Variants in SERPINE2 observed in about 807,000 individuals in gnomAD.
SERPINE2 encodes the protein glia-derived nexin.
A neutral mutation model predicts 36.3 loss-of-function variants in SERPINE2; 14 were observed. The observed-to-expected ratio is 0.39, with a 90% CI of 0.25 to 0.60. The LOEUF (loss-of-function observed/expected upper bound fraction) is 0.60. Ranked by LOEUF, SERPINE2 falls within the 20% of genes least tolerant of loss-of-function variation. The pLI is 0.57. For synonymous variants in SERPINE2, 192 were observed against 191.8 expected (o/e 1.00, Z -0.01); for missense variants, 418 against 499.6 (o/e 0.84, Z 1.56).
intron 1 of SERPINE2, among the ~76,000 whole-genome samples, chr2:224,014,321 G>A (rs900328922): frequency 2.6e-5 from 4 of 152,134 alleles, no homozygotes; most frequent in Non-Finnish European, 4.4e-5. Context: ...GTTGAAGTGA[G>A]CCAAGATCAT....
intron 4 of SERPINE2, among the ~76,000 whole-genome samples, chr2:223,986,565 A>G (rs191611129): frequency 2.8e-4 from 42 of 152,272 alleles, no homozygotes; most frequent in African/African-American, 9.9e-4. Context: ...TGGCGGAGCT[A>G]ATTTTCAGAA....
intron 1 of SERPINE2, chr2:224,030,927 G>T: frequency 1.0e-6 from 1 of 982,574 alleles, no homozygotes; most frequent in Non-Finnish European, 1.2e-6. Context: ...ACAAGTGTCT[G>T]AGGAAGGAAC....
chr2:223,979,579 G>A (rs1559193000), intron 7 of SERPINE2: 2 of 152,048 alleles, frequency 1.3e-5, no homozygotes, highest in South Asian at 2.1e-4. Flanking sequence ...ATTTTCCTAC[G>A]GATAATGAGG....
chr2:223,982,824 T>C, intron 5 of SERPINE2, 43 bp from the exon 6 acceptor site: 1 of 1,400,452 alleles, frequency 7.1e-7, no homozygotes, highest in Non-Finnish European at 1.0e-6. Context: ...CACGAGGCTA[T>C]AAATGCTACA....
intron 1 of SERPINE2, among the ~76,000 whole-genome samples, chr2:224,018,052 C>A (rs1279112712): frequency 6.6e-6 from 1 of 152,190 alleles, no homozygotes; most frequent in African/African-American, 2.4e-5. Context: ...CAGACTTTCA[C>A]ATCTGGTCAC....
At chr2:223,988,377 GC>G (rs1480614219) in intron 4 of SERPINE2, among the ~76,000 whole-genome samples, 1 of 151,500 alleles carries the variant, frequency 6.6e-6, no homozygotes, top group East Asian at 1.9e-4. Context: ...TCGCTATGTT[GC>G]CGAGGATCAT....
chr2:223,995,548 TATA>T lies in SERPINE2; in HGVS notation c.487+2564_487+2566del, dbSNP rs553712897. On this transcript the variant is annotated intron_variant, in intron 3 of 8. Coordinates refer to ENST00000409304, the MANE Select transcript of SERPINE2 (RefSeq NM_001136528.2). ...TCTCTGCATTGGTAGGACACCTACT[TATA>T]ATTATCTGAGCCCAGAACCTCGTTC... 9.1e-3 allele frequency among the ~76,000 whole-genome samples: 1,390 copies of T among 152,364 alleles called. 14 individuals are homozygous for T. Among genetic ancestry groups the T allele is most frequent in the African/African-American group, 0.03 (1,268 of 41,580 alleles).
At chr2:223,985,115 C>T (rs1189031314) in intron 4 of SERPINE2, 165 bp from the exon 5 acceptor site, 7 of 619,686 alleles carry the variant, frequency 1.1e-5, no homozygotes, top group Non-Finnish European at 2.0e-5. Flanking sequence ...ATTATTTCTT[C>T]CTTCCCCAGT....
At chr2:224,022,859 G>C (rs1160404733) in intron 1 of SERPINE2, among the ~76,000 whole-genome samples, 1 of 152,180 alleles carries the variant, frequency 6.6e-6, no homozygotes, top group African/African-American at 2.4e-5. Flanking sequence ...CATGGGGGCA[G>C]TTTCCCCCAT....
At chr2:224,009,634 G>A (rs1691554910) in intron 1 of SERPINE2, among the ~76,000 whole-genome samples, 1 of 152,076 alleles carries the variant, frequency 6.6e-6, no homozygotes, top group Non-Finnish European at 1.5e-5. Flanking sequence ...GGTGGAGGCT[G>A]CAGTGAGCCG....
chr2:223,984,669 C>T (rs1162055888), intron 5 of SERPINE2, 83 bp downstream of exon 5: 18 of 1,279,824 alleles, frequency 1.4e-5, no homozygotes, highest in Non-Finnish European at 1.6e-5. Context: ...GCCATATTTT[C>T]GCCTCATGTT....
chr2:223,988,903 A>T (rs1450808868), intron 4 of SERPINE2, among the ~76,000 whole-genome samples: 1 of 152,216 alleles, frequency 6.6e-6, no homozygotes, highest in Non-Finnish European at 1.5e-5. Flanking sequence ...TCCACTCTCT[A>T]ATGAAAGCAG....
chr2:223,980,469 C>A, intron 6 of SERPINE2, 72 bp from the exon 7 acceptor site: 1 of 1,270,008 alleles, frequency 7.9e-7, no homozygotes, highest in South Asian at 1.2e-5. Flanking sequence ...GGGAAGTAAC[C>A]TCAAAGCTCA....
At chr2:224,031,401 G>A (rs2106202628) in intron 1 of SERPINE2, 2 of 985,588 alleles carry the variant, frequency 2.0e-6, no homozygotes, top group Non-Finnish European at 2.4e-6. Flanking sequence ...TCCGTTGGGG[G>A]GAAAACAGAA....
chr2:224,037,494 G>C (rs1056471373), intron 1 of SERPINE2, among the ~76,000 whole-genome samples: 1 of 152,190 alleles, frequency 6.6e-6, no homozygotes, highest in African/African-American at 2.4e-5. Context: ...CACTGGATTT[G>C]AGACAGTCAA....
chr2:224,038,110 C>T (rs1484078537), intron 1 of SERPINE2, among the ~76,000 whole-genome samples: 1 of 152,190 alleles, frequency 6.6e-6, no homozygotes, highest in Non-Finnish European at 1.5e-5. Context: ...GTTATCTGTG[C>T]TCAAGTTTTG....
chr2:223,990,355 C>CA (rs1366069359), intron 4 of SERPINE2, among the ~76,000 whole-genome samples: 1 of 152,102 alleles, frequency 6.6e-6, no homozygotes, highest in Non-Finnish European at 1.5e-5. Flanking sequence ...TATTCCTAGG[C>CA]AAATCAGTTT....
chr2:224,004,395 C>T (rs1293471444), intron 1 of SERPINE2, among the ~76,000 whole-genome samples: 2 of 152,230 alleles, frequency 1.3e-5, no homozygotes, highest in Non-Finnish European at 2.9e-5. Flanking sequence ...TTCTCCAGAG[C>T]TTCATTGTAA....
chr2:224,007,907 G>C (rs1691484429), intron 1 of SERPINE2, among the ~76,000 whole-genome samples: 1 of 152,248 alleles, frequency 6.6e-6, no homozygotes, highest in Non-Finnish European at 1.5e-5. Flanking sequence ...GTTAGAGCTA[G>C]AGCAGGGGTC....
Sources: gnomAD v4.1 joint callset for allele counts (sites outside exome capture counted in the v4.1 genomes callset) on GRCh38, gnomAD v4.1.1 for gene constraint, MANE v1.5 for transcripts, NCBI Gene and HGNC (gene_info 2026-07-23, HGNC 2026-07-21) for gene names.